The following HAO2 variants were observed in gnomAD, a reference collection of about 807,000 sequenced individuals.
HAO2 encodes hydroxyacid oxidase 2.
A neutral mutation model predicts 37.4 loss-of-function variants in HAO2; 42 were observed. The observed-to-expected ratio is 1.12, with a 90% CI of 0.88 to 1.45. The LOEUF (loss-of-function observed/expected upper bound fraction) is 1.45. HAO2 is among the 40% of genes most tolerant of loss of function. The pLI is 0.00. For synonymous variants in HAO2, 180 were observed against 162.8 expected (o/e 1.11, Z -0.81); for missense variants, 476 against 430.2 (o/e 1.11, Z -0.94).
At chr1:119,379,214 T>G (rs1649718394) in intron 1 of HAO2, among the ~76,000 whole-genome samples, 1 of 152,168 alleles carries the variant, frequency 6.6e-6, no homozygotes. Context: ...GCCCAGAGTT[T>G]CATGTTGGAG....
chr1:119,394,097 A>C lies in HAO2; in HGVS notation c.*257A>C. The C allele has an allele frequency of 8.1e-7, 1 of 1,228,836 alleles. No individual in the cohort carries two copies. Among genetic ancestry groups the C allele is most frequent in the Non-Finnish European group, 1.0e-6 (1 of 954,724 alleles). 76.1% of individuals were successfully genotyped at this position (1,228,836 alleles called of 1,614,324 possible). ...TGCCTAAATCTTCCTCTGAAGTAAA[A>C]GATCTCAAAAGGACAGATCATTAAT... On this transcript the variant is annotated 3_prime_UTR_variant, in exon 8 of 8. Coordinates refer to ENST00000325945, the MANE Select transcript of HAO2 (RefSeq NM_016527.4).
chr1:119,379,938 C>T (rs1649782427), intron 1 of HAO2, among the ~76,000 whole-genome samples: 1 of 152,142 alleles, frequency 6.6e-6, no homozygotes, highest in Admixed American at 6.5e-5. Flanking sequence ...CCTCTGTGTC[C>T]CCTTTGTCCA....
At chr1:119,380,987 C>G in intron 1 of HAO2, 91 bp from the exon 2 acceptor site, 3 of 1,126,224 alleles carry the variant, frequency 2.7e-6, no homozygotes, top group Non-Finnish European at 4.0e-6. Context: ...TGAATCCAAA[C>G]AATTTCATAC....
chr1:119,392,676 T>C lies in HAO2; in HGVS notation c.989T>C (p.Met330Thr). 1.3e-6 allele frequency: 2 copies of C among 1,596,678 alleles called. No individual in the cohort carries two copies. The highest frequency in any genetic ancestry group is 8.6e-7 in the Non-Finnish European group (1 of 1,164,164). The change falls in exon 7 of 8, where the codon ATG (methionine) becomes ACG (threonine). Residue 330 changes from methionine to threonine, a missense_variant. Transcript: ENST00000325945. ...TTAACAAATGAGTTCCACACTTCCA[T>C]GGCCCTTACAGGTAAGTTAACATGT... ...NILTNEFHTS[M>T]ALTGCRSVAE... is the part of the protein sequence containing the mutation.
In HAO2 at chr1:119,378,980, G is replaced by C. The variant is rs587610692; in HGVS notation, c.-8-2098G>C. On this transcript the variant is annotated intron_variant, in intron 1 of 7. Coordinates refer to ENST00000325945, the MANE Select transcript of HAO2 (RefSeq NM_016527.4). ...GGTCCCAGGTTTGGTTCTTCATTAG[G>C]AGGAACAAATAGTCGAGGCTATGCT... is the stretch of plus-strand genomic sequence containing the variant. 2.0e-5 allele frequency among the ~76,000 whole-genome samples: 3 copies of C among 152,262 alleles called. No homozygotes were observed. The South Asian group carries it at 6.2e-4, about 32-fold the overall frequency.
intron 1 of HAO2, 149 bp from the exon 2 acceptor site, chr1:119,380,928 TG>T: frequency 1.3e-6 from 1 of 762,364 alleles, no homozygotes; most frequent in South Asian, 1.7e-5. Context: ...TAGGGATCAC[TG>T]GCTTTAGCAA....
chr1:119,381,199 C>G lies in HAO2; in HGVS notation c.114C>G (p.Asn38Lys). The G allele has an allele frequency of 1.2e-6, 2 of 1,611,316 alleles. No homozygotes were observed. The highest frequency in any genetic ancestry group is 1.3e-5 in the African/African-American group (1 of 74,970). Residue 38 changes from asparagine (N) to lysine (K), a missense_variant, in exon 2 of 8, where the codon AAC becomes AAG. Coordinates refer to ENST00000325945, the MANE Select transcript of HAO2 (RefSeq NM_016527.4). ...ATGACAGCATCACGCGGGATGACAA[C>G]ATTGCAGCATTTAAAAGGTGTGGTC... The part of the protein sequence containing the change: ...GADDSITRDD[N>K]IAAFKRIRLR...
rs185698389 is a variant in HAO2 at position 119,383,261 on chromosome 1, A to G, written c.283+195A>G. ...AGAAAACATTCATTTTCCATAATAA[A>G]GAATAGTTAGAGTGCAAGGGGGTTT... On this transcript the variant is annotated intron_variant, in intron 3 of 7. Coordinates refer to ENST00000325945, the MANE Select transcript of HAO2 (RefSeq NM_016527.4). Among the ~76,000 whole-genome samples, 3 of 152,242 alleles carry G rather than the reference A, an allele frequency of 2.0e-5. No homozygotes were observed. The South Asian group carries it at 6.2e-4, about 31-fold the overall frequency.
At chr1:119,375,161 G>A (rs1330618599) in intron 1 of HAO2, among the ~76,000 whole-genome samples, 1 of 152,098 alleles carries the variant, frequency 6.6e-6, no homozygotes, top group African/African-American at 2.4e-5. Context: ...TTGAAATGGA[G>A]ACAAAATAAA....
intron 5 of HAO2, among the ~76,000 whole-genome samples, chr1:119,391,146 G>C (rs1650856288): frequency 6.7e-6 from 1 of 148,330 alleles, no homozygotes; most frequent in South Asian, 2.1e-4. Flanking sequence ...TTCTTATACT[G>C]TTCAGTCTCA....
chr1:119,381,333 A>G, intron 2 of HAO2, 117 bp downstream of exon 2: 1 of 750,104 alleles, frequency 1.3e-6, no homozygotes. Flanking sequence ...AAGACCTAAT[A>G]ATGTGGATGA....
At chr1:119,385,905 G>C in intron 4 of HAO2, 1 of 982,136 alleles carries the variant, frequency 1.0e-6, no homozygotes, top group Non-Finnish European at 1.2e-6. Context: ...TAAATATTGG[G>C]TAATAACTGA....
At chr1:119,383,939 A>G (rs1255528085) in intron 3 of HAO2, among the ~76,000 whole-genome samples, 1 of 152,198 alleles carries the variant, frequency 6.6e-6, no homozygotes, top group African/African-American at 2.4e-5. Context: ...CTAAGTCATC[A>G]TGGTTGAATG....
chr1:119,383,221 TG>T (rs1438284555), intron 3 of HAO2, among the ~76,000 whole-genome samples, 155 bp downstream of exon 3: 2 of 152,246 alleles, frequency 1.3e-5, no homozygotes, highest in African/African-American at 2.4e-5. Flanking sequence ...GCTACGTTTG[TG>T]TAACCTAAGA....
chr1:119,378,923 T>C (rs1050706987), intron 1 of HAO2, among the ~76,000 whole-genome samples: 7 of 152,326 alleles, frequency 4.6e-5, no homozygotes, highest in Middle Eastern at 3.4e-3. Flanking sequence ...CCATGTACTA[T>C]CCTAATGCCT....
intron 2 of HAO2, 46 bp downstream of exon 2, chr1:119,381,262 G>C: frequency 7.0e-7 from 1 of 1,427,138 alleles, no homozygotes; most frequent in Non-Finnish European, 9.9e-7. Context: ...AGGTGCACTG[G>C]TGGAGAGCAA....
intron 5 of HAO2, among the ~76,000 whole-genome samples, chr1:119,387,733 T>C (rs991098494): frequency 6.6e-6 from 1 of 152,222 alleles, no homozygotes; most frequent in Non-Finnish European, 1.5e-5. Flanking sequence ...TAATGGTATG[T>C]AGTATGAACA....
Position 119,393,832 on chromosome 1 carries a change from A to C in HAO2, c.1048A>C (p.Arg350=), listed in dbSNP as rs776741516. ...EINRNLVQFS[R]L ...CAATCGAAACTTGGTCCAGTTTTCC[A>C]GGCTGTAAGAAAAAAGGGCCAATAA... The change falls in exon 8 of 8, where the codon AGG becomes CGG. Residue 350 remains arginine, a synonymous_variant. Transcript: ENST00000325945. 6.2e-6 allele frequency: 10 copies of C among 1,612,840 alleles called. No individual in the cohort carries two copies. The Admixed American group carries it at 1.0e-4, about 16-fold the overall frequency.
intron 3 of HAO2, among the ~76,000 whole-genome samples, chr1:119,384,435 C>T (rs1650213718): frequency 6.6e-6 from 1 of 152,160 alleles, no homozygotes; most frequent in South Asian, 2.1e-4. Context: ...TAATTCTCTT[C>T]TGCTTCATTA....
Sources: gnomAD v4.1 joint callset for allele counts (sites outside exome capture counted in the v4.1 genomes callset) on GRCh38, gnomAD v4.1.1 for gene constraint, MANE v1.5 for transcripts, NCBI Gene and HGNC (gene_info 2026-07-23, HGNC 2026-07-21) for gene names.